Variants in NETO1 observed in about 807,000 individuals in gnomAD.
NETO1 encodes neuropilin and tolloid like 1, also known as neuropilin and tolloid-like protein 1.
A neutral mutation model predicts 61.3 loss-of-function variants in NETO1; 26 were observed. The observed-to-expected ratio is 0.42, with a 90% CI of 0.31 to 0.59. NETO1 has a LOEUF of 0.59. Among genes scored for constraint, NETO1 ranks in the 20% least tolerant of loss-of-function variants. The pLI is 0.12. For missense variants in NETO1, 531 were observed against 662.8 expected, an observed-to-expected ratio of 0.80 and a Z score of 2.18; for synonymous variants, 225 against 225.8, an observed-to-expected ratio of 1.00 and a Z score of 0.03.
At position 72,835,250 on chromosome 18, in the gene NETO1, A is replaced by G. The variant is rs2073706477; in HGVS notation, c.469+23576T>C. 4 of 1,543,060 alleles carry G rather than the reference A, an allele frequency of 2.6e-6. No individual in the cohort carries two copies. The Admixed American group carries it at 6.9e-5, about 27-fold the overall frequency. On this transcript the variant is annotated intron_variant, in intron 4 of 10. Coordinates refer to ENST00000327305, the MANE Select transcript of NETO1 (RefSeq NM_138966.5). ...ACGTTCTGGGCACCACAGCATCCAG[A>G]GATGAGATGATGGAGAAGGAGAGAT...
chr18:72,791,659 T>C (rs1317478151), intron 6 of NETO1, among the ~76,000 whole-genome samples: 1 of 152,330 alleles, frequency 6.6e-6, no homozygotes, highest in Non-Finnish European at 1.5e-5. Flanking sequence ...GGTGTGCATT[T>C]ACACTGTCAT....
At chr18:72,812,894 C>T (rs1458711976) in intron 4 of NETO1, among the ~76,000 whole-genome samples, 1 of 152,210 alleles carries the variant, frequency 6.6e-6, no homozygotes, top group Non-Finnish European at 1.5e-5. Flanking sequence ...CCCTATGACA[C>T]ATAAATTGTG....
chr18:72,854,899 C>T (rs76241714), intron 4 of NETO1, among the ~76,000 whole-genome samples: 3,716 of 152,000 alleles, frequency 0.024, 119 homozygotes, highest in East Asian at 0.1. Flanking sequence ...TAAAATCCTC[C>T]TTATTCCCCT....
At chr18:72,850,069 C>T (rs1039955687) in intron 4 of NETO1, among the ~76,000 whole-genome samples, 9 of 152,216 alleles carry the variant, frequency 5.9e-5, no homozygotes, top group Non-Finnish European at 1.2e-4. Flanking sequence ...ATACAACTTT[C>T]CACCTTCACA....
At chr18:72,825,473 T>A (rs977084180) in intron 4 of NETO1, among the ~76,000 whole-genome samples, 8 of 152,142 alleles carry the variant, frequency 5.3e-5, no homozygotes, top group African/African-American at 1.9e-4. Context: ...TTTTTATTAA[T>A]TCTTTTCAAA....
At chr18:72,787,317 C>T (rs1009730610) in intron 6 of NETO1, among the ~76,000 whole-genome samples, 8 of 151,450 alleles carry the variant, frequency 5.3e-5, no homozygotes, top group South Asian at 4.2e-4. Flanking sequence ...GTAAAGAGTG[C>T]GTTCCACTCC....
At chr18:72,851,644 A>G (rs2074252932) in intron 4 of NETO1, among the ~76,000 whole-genome samples, 1 of 152,186 alleles carries the variant, frequency 6.6e-6, no homozygotes, top group Admixed American at 6.5e-5. Flanking sequence ...CAATTGAGGT[A>G]GAAGGAGAGA....
At position 72,858,819 on chromosome 18, in the gene NETO1, T is replaced by G; in HGVS notation, c.469+7A>C. ...AAAAGAAATTTTTTTTTTAAGTACT[T>G]ACTTACCAGGTGTGAAATTGTATCG... On this transcript the variant is annotated splice_region_variant and intron_variant, in intron 4 of 10. Coordinates refer to ENST00000327305, the MANE Select transcript of NETO1 (RefSeq NM_138966.5). The G allele has an allele frequency of 6.3e-7, 1 of 1,592,602 alleles. No individual in the cohort carries two copies. Among genetic ancestry groups the G allele is most frequent in the Non-Finnish European group, 8.5e-7 (1 of 1,173,028 alleles).
chr18:72,827,104 T>TTC (rs397768467), intron 4 of NETO1, among the ~76,000 whole-genome samples: 1 of 151,362 alleles, frequency 6.6e-6, no homozygotes, highest in Non-Finnish European at 1.5e-5. Context: ...TTTTTTTTTT[T>TTC]CCAAATCCGT....
intron 7 of NETO1, among the ~76,000 whole-genome samples, chr18:72,764,776 C>T (rs577150855): frequency 3.2e-4 from 49 of 152,206 alleles, no homozygotes; most frequent in Non-Finnish European, 4.1e-4. Context: ...TTAATTCTCA[C>T]CTCCCACACC....
chr18:72,750,241 G>A lies in NETO1; in HGVS notation c.1362C>T (p.Ile454=). 3 of 1,614,110 alleles carry A rather than the reference G, an allele frequency of 1.9e-6. No homozygotes were observed. The highest frequency in any genetic ancestry group is 1.7e-6 in the Non-Finnish European group (2 of 1,180,000). The change falls in exon 9 of 11, where the codon ATC becomes ATT. Residue 454 remains isoleucine (I), a synonymous_variant. Coordinates refer to ENST00000327305, the MANE Select transcript of NETO1 (RefSeq NM_138966.5). ...CTGGCTGTGTGGGCATCTCTGTCAA[G>A]ATAGAAGCATCTCTTGTGCTGAGGT... is the stretch of plus-strand genomic sequence containing the variant. ...RSNLSTRDAS[I]LTEMPTQPGK...
At chr18:72,827,335 C>A (rs1156734152) in intron 4 of NETO1, among the ~76,000 whole-genome samples, 1 of 152,142 alleles carries the variant, frequency 6.6e-6, no homozygotes, top group Admixed American at 6.5e-5. Context: ...ACAGTCCAGG[C>A]CTCCATGTAC....
At chr18:72,774,186 G>T (rs1289511561) in intron 7 of NETO1, among the ~76,000 whole-genome samples, 1 of 152,112 alleles carries the variant, frequency 6.6e-6, no homozygotes, top group Non-Finnish European at 1.5e-5. Context: ...TTGTAAAGAA[G>T]AGCAGAAGAG....
intron 4 of NETO1, among the ~76,000 whole-genome samples, chr18:72,833,605 C>G (rs926787659): frequency 6.6e-6 from 1 of 152,126 alleles, no homozygotes; most frequent in African/African-American, 2.4e-5. Flanking sequence ...CTGACTCTCA[C>G]GACATCCCCG....
At chr18:72,835,183 A>C (rs1471207106) in intron 4 of NETO1, 3 of 1,331,070 alleles carry the variant, frequency 2.3e-6, no homozygotes, top group African/African-American at 1.5e-5. Flanking sequence ...ATCGTGGTGC[A>C]CCTGGAGATC....
intron 6 of NETO1, among the ~76,000 whole-genome samples, chr18:72,792,445 A>G (rs2072153967): frequency 6.6e-6 from 1 of 151,744 alleles, no homozygotes; most frequent in South Asian, 2.1e-4. Flanking sequence ...AAAAACAACA[A>G]AAACGGTGCG....
intron 4 of NETO1, among the ~76,000 whole-genome samples, chr18:72,841,744 A>AAAAAAAAAAAAAAAAC: frequency 7.0e-6 from 1 of 143,550 alleles, no homozygotes; most frequent in African/African-American, 2.7e-5. Context: ...AACAAAAAAA[A>AAAAAAAAAAAAAAAAC]AAAAAAAAAA....
At chr18:72,845,852 T>A (rs2074064994) in intron 4 of NETO1, among the ~76,000 whole-genome samples, 1 of 152,218 alleles carries the variant, frequency 6.6e-6, no homozygotes, top group Non-Finnish European at 1.5e-5. Flanking sequence ...AGTTGGCCCT[T>A]ATGGCGTATT....
At chr18:72,813,736 A>G (rs1336193697) in intron 4 of NETO1, among the ~76,000 whole-genome samples, 1 of 152,202 alleles carries the variant, frequency 6.6e-6, no homozygotes, top group African/African-American at 2.4e-5. Flanking sequence ...TTTCCAGTGC[A>G]TTGCACAGAC....
Sources: allele counts gnomAD v4.1 joint callset (sites outside exome capture counted in the v4.1 genomes callset), GRCh38; gene constraint gnomAD v4.1.1; transcripts MANE v1.5; gene names NCBI Gene and HGNC (gene_info 2026-07-23, HGNC 2026-07-21).